Variants in MDN1 observed in about 807,000 individuals in gnomAD.
The protein encoded by MDN1 is midasin.
Under a neutral mutation model 669.2 loss-of-function variants are expected in MDN1, and 266 were observed. That is an observed-to-expected ratio of 0.40 (90% confidence interval 0.36 to 0.44). MDN1 has a LOEUF of 0.44. MDN1 is among the 20% of genes least tolerant of loss of function. The pLI is 1.00. For missense variants in MDN1, 5,940 were observed against 6,754.0 expected (o/e 0.88, Z 4.22); for synonymous variants, 2,385 against 2,457.1 (o/e 0.97, Z 0.87).
chr6:89,801,884 C>T (rs896596640), intron 2 of MDN1, among the ~76,000 whole-genome samples: 1 of 151,310 alleles, frequency 6.6e-6, no homozygotes, highest in Non-Finnish European at 1.5e-5. Flanking sequence ...ATCACTTGAA[C>T]CCAGGAGAAA....
chr6:89,667,560 C>A (rs1290432429), intron 84 of MDN1, among the ~76,000 whole-genome samples: 1 of 152,114 alleles, frequency 6.6e-6, no homozygotes, highest in African/African-American at 2.4e-5. Flanking sequence ...CTGAATAGTT[C>A]AGAAGGTTGC....
chr6:89,751,085 T>C (rs1816915797), intron 23 of MDN1, among the ~76,000 whole-genome samples: 1 of 152,096 alleles, frequency 6.6e-6, no homozygotes. Flanking sequence ...CCTCAAAAAA[T>C]ACTAAGGAAA....
In MDN1 at chr6:89,692,597, C is replaced by A. The variant is rs567381684; in HGVS notation, c.10433G>T (p.Arg3478Leu). Residue 3478 changes from arginine to leucine, a missense_variant, in exon 63 of 102, where the codon CGC becomes CTC. By Grantham distance (102) the Arg-to-Leu change is moderately radical. Around this residue, in one of 5 missense-constraint regions of MDN1, gnomAD observed 2,280 missense variants for 2,576.3 expected, o/e 0.88. Transcript: ENST00000369393. The stretch of plus-strand genomic sequence containing the variant: ...GCCTTCCAGCTCCTTTCCTCCTGAG[C>A]GCTTGAGGATTAGCTTCCCAAGGCC... Reference protein sequence around the residue: ...LRGLGKLILKRSGGKELEGKG... With the variant: ...LRGLGKLILKLSGGKELEGKG... The A allele has an allele frequency of 1.2e-6, 2 of 1,614,116 alleles. No individual in the cohort carries two copies. Among genetic ancestry groups the A allele is most frequent in the Middle Eastern group, 1.6e-4 (1 of 6,084 alleles).
At position 89,668,106 on chromosome 6, in the gene MDN1, C is replaced by G; in HGVS notation, c.14002G>C (p.Gly4668Arg). 4 of 1,614,128 alleles carry G rather than the reference C, an allele frequency of 2.5e-6. No individual in the cohort carries two copies. Among genetic ancestry groups the G allele is most frequent in the Non-Finnish European group, 3.4e-6 (4 of 1,179,994 alleles). ...TCATAGTCATGGAACTCAGTTGCTC[C>G]CTCTCCAGCTGAATCTTCCATAAAT... ...KEFMEDSAGEGATEFHDYEGG... is the reference protein window; with the variant it reads ...KEFMEDSAGERATEFHDYEGG... The change falls in exon 84 of 102, where the codon GGA becomes CGA. Residue 4668 changes from glycine (G) to arginine (R), a missense_variant. Gly to Arg is a moderately radical substitution (Grantham distance 125). Coordinates refer to ENST00000369393, the MANE Select transcript of MDN1 (RefSeq NM_014611.3).
chr6:89,750,168 C>T (rs1259892627), intron 24 of MDN1, among the ~76,000 whole-genome samples, 186 bp downstream of exon 24: 2 of 152,164 alleles, frequency 1.3e-5, no homozygotes, highest in African/African-American at 4.8e-5. Context: ...GCAAGATTAG[C>T]AGAACCTAAA....
chr6:89,795,722 G>T (rs975107722), intron 2 of MDN1, among the ~76,000 whole-genome samples: 13 of 152,328 alleles, frequency 8.5e-5, no homozygotes, highest in African/African-American at 2.9e-4. Context: ...CGGAGGCTGA[G>T]GCGGGCAGAT....
At chr6:89,708,756 C>G (rs1813687395) in intron 50 of MDN1, 128 bp from the exon 51 acceptor site, 2 of 949,418 alleles carry the variant, frequency 2.1e-6, no homozygotes, top group Non-Finnish European at 3.2e-6. Context: ...AGAGGTTGAA[C>G]CAGTAAATAC....
intron 37 of MDN1, among the ~76,000 whole-genome samples, chr6:89,726,237 G>A (rs1178619072): frequency 2.0e-5 from 3 of 152,046 alleles, no homozygotes; most frequent in Non-Finnish European, 4.4e-5. Context: ...GAGGCAGGTG[G>A]ATCACTTGAG....
chr6:89,684,954 G>A lies in MDN1; in HGVS notation c.11751C>T (p.Tyr3917=). The stretch of plus-strand genomic sequence containing the variant: ...GGTCAAAGAATTGCTTGTAATAATG[G>A]TACAAATTCCATAGAACACTGCAAA... The part of the protein sequence containing the change: ...DSLCSVLWNL[Y]HYYKQFFDRV... Residue 3917 remains tyrosine, a synonymous_variant, in exon 71 of 102, where the codon TAC becomes TAT. Coordinates refer to ENST00000369393, the MANE Select transcript of MDN1 (RefSeq NM_014611.3). The A allele has an allele frequency of 6.2e-7, 1 of 1,613,230 alleles. No homozygotes were observed. The highest frequency in any genetic ancestry group is 8.5e-7 in the Non-Finnish European group (1 of 1,179,304).
intron 33 of MDN1, among the ~76,000 whole-genome samples, chr6:89,737,433 A>C (rs935842051): frequency 6.6e-6 from 1 of 152,048 alleles, no homozygotes; most frequent in Non-Finnish European, 1.5e-5. Flanking sequence ...GATCCAAAAA[A>C]CTATGTATTT....
intron 91 of MDN1, among the ~76,000 whole-genome samples, 178 bp downstream of exon 91, chr6:89,656,522 C>A (rs745944461): frequency 1.3e-5 from 2 of 152,026 alleles, no homozygotes; most frequent in Non-Finnish European, 2.9e-5. Flanking sequence ...GTGACGGGAT[C>A]CCACTGGGTA....
chr6:89,729,047 G>A lies in MDN1; in HGVS notation c.5233C>T (p.Leu1745=). 2 of 1,614,120 alleles carry A rather than the reference G, an allele frequency of 1.2e-6. No homozygotes were observed. Among genetic ancestry groups the A allele is most frequent in the Non-Finnish European group, 1.7e-6 (2 of 1,180,008 alleles). ...CCCTCCAGGAGAATGGGCTTCTTCA[G>A]TTTGGTAGCTCTTAAGAGCCTCTGT... ...NAQRLLRATK[L]KKPILLEGSP... is the part of the protein sequence containing the mutation. The change falls in exon 36 of 102, where the codon CTG becomes TTG. Residue 1745 remains leucine, a synonymous_variant. Coordinates refer to ENST00000369393, the MANE Select transcript of MDN1 (RefSeq NM_014611.3).
At chr6:89,750,229 A>C (rs1229310746) in intron 24 of MDN1, 125 bp downstream of exon 24, 1 of 972,442 alleles carries the variant, frequency 1.0e-6, no homozygotes, top group East Asian at 2.5e-5. Flanking sequence ...CTCAGGCATC[A>C]AGAAAAGCCG....
At chr6:89,686,254 G>A (rs892739700) in intron 69 of MDN1, among the ~76,000 whole-genome samples, 2 of 152,152 alleles carry the variant, frequency 1.3e-5, no homozygotes, top group South Asian at 4.1e-4. Flanking sequence ...GTGAAACCTC[G>A]TGTCTACTAA....
intron 61 of MDN1, 76 bp from the exon 62 acceptor site, chr6:89,694,259 C>T (rs191095125): frequency 1.3e-5 from 16 of 1,245,678 alleles, no homozygotes; most frequent in South Asian, 6.1e-5. Context: ...CCTGGGGACA[C>T]GTAGAGGAAC....
intron 11 of MDN1, among the ~76,000 whole-genome samples, chr6:89,779,209 A>T (rs1818516764): frequency 6.6e-6 from 1 of 152,196 alleles, no homozygotes. Flanking sequence ...CTGGTCTCAA[A>T]TTCAGTAGAA....
rs140995255 is a variant in MDN1 at position 89,692,631 on chromosome 6, C to T, written c.10399G>A (p.Val3467Ile). The T allele has an allele frequency of 6.2e-7, 1 of 1,614,130 alleles. No homozygotes were observed. The highest frequency in any genetic ancestry group is 8.5e-7 in the Non-Finnish European group (1 of 1,180,042). ...DTLCSVKSEE[V>I]LRGLGKLILK... ...ATTAGCTTCCCAAGGCCTCGTAGAA[C>T]CTCCTCAGACTTCACCGAGCACAAA... Residue 3467 changes from valine to isoleucine, a missense_variant, in exon 63 of 102, where the codon GTT (valine) becomes ATT (isoleucine). By Grantham distance (29) the Val-to-Ile change is conservative. Transcript: ENST00000369393.
intron 78 of MDN1, 200 bp downstream of exon 78, chr6:89,675,264 C>T (rs370573993): frequency 2.4e-4 from 136 of 556,422 alleles, no homozygotes; most frequent in African/African-American, 2.4e-3. Flanking sequence ...GTTCAGAGCA[C>T]GGAGGGAGAG....
Position 89,662,980 on chromosome 6 carries a change from G to T in MDN1, c.14237-13C>A. On this transcript the variant is annotated splice_polypyrimidine_tract_variant and intron_variant, in intron 85 of 101. Coordinates refer to ENST00000369393, the MANE Select transcript of MDN1 (RefSeq NM_014611.3). ...TCATCATCCTCTTCTGAAAGGGAAG[G>T]CACTGAGCTTAGGCAGATCTCCAAA... 6.2e-7 allele frequency: 1 copy of T among 1,613,874 alleles called. No individual in the cohort carries two copies.
Sources: allele counts gnomAD v4.1 joint callset (sites outside exome capture counted in the v4.1 genomes callset), GRCh38; gene constraint gnomAD v4.1.1; regional missense constraint gnomAD v4.1.1; transcripts MANE v1.5; gene names NCBI Gene and HGNC (gene_info 2026-07-23, HGNC 2026-07-21).